FGF7: variants seen among roughly 807,000 people sequenced by gnomAD.
FGF7 encodes the protein fibroblast growth factor 7, also known as FGF-7.
Under a neutral mutation model 20.5 loss-of-function variants are expected in FGF7, and 6 were observed. That is an observed-to-expected ratio of 0.29 (90% CI 0.16 to 0.58). FGF7 has a LOEUF of 0.58. Ranked by LOEUF, FGF7 falls within the 20% of genes least tolerant of loss-of-function variation. The pLI, the probability that FGF7 is intolerant of heterozygous loss-of-function variation, is 0.90. For missense variants in FGF7, 144 were observed against 228.8 expected, an observed-to-expected ratio of 0.63 and a Z score of 2.39; for synonymous variants, 64 against 74.7, an observed-to-expected ratio of 0.86 and a Z score of 0.74.
At chr15:49,439,282 G>C (rs2051400977) in intron 2 of FGF7, among the ~76,000 whole-genome samples, 1 of 151,460 alleles carries the variant, frequency 6.6e-6, no homozygotes, top group Non-Finnish European at 1.5e-5. Context: ...GGGTAGGAGA[G>C]AGAGAGAGAG....
chr15:49,433,164 T>C (rs1454520952), intron 2 of FGF7, among the ~76,000 whole-genome samples: 4 of 151,312 alleles, frequency 2.6e-5, no homozygotes, highest in Non-Finnish European at 4.4e-5. Flanking sequence ...AGAAATCAAT[T>C]ATTTGAGATT....
intron 2 of FGF7, among the ~76,000 whole-genome samples, chr15:49,473,252 A>T (rs2054942469): frequency 7.2e-6 from 1 of 139,458 alleles, no homozygotes; most frequent in Non-Finnish European, 1.7e-5. Context: ...CATTTAATGA[A>T]GTCATGATGA....
intron 2 of FGF7, among the ~76,000 whole-genome samples, chr15:49,433,392 T>C (rs2151798480): frequency 6.6e-6 from 1 of 151,640 alleles, no homozygotes; most frequent in East Asian, 2.0e-4. Context: ...GTGTAAGAGG[T>C]GAAAGGGTAA....
At chr15:49,460,945 T>C (rs1007192869) in intron 2 of FGF7, among the ~76,000 whole-genome samples, 1 of 152,328 alleles carries the variant, frequency 6.6e-6, no homozygotes, top group South Asian at 2.1e-4. Context: ...CAAATTCCAC[T>C]ATGTCAAAGC....
chr15:49,462,729 T>C (rs1341258498), intron 2 of FGF7, among the ~76,000 whole-genome samples: 1 of 152,222 alleles, frequency 6.6e-6, no homozygotes, highest in Non-Finnish European at 1.5e-5. Context: ...CCAATTAAGT[T>C]AAAATACAAC....
chr15:49,447,200 C>A (rs1455104656), intron 2 of FGF7, among the ~76,000 whole-genome samples: 1 of 151,550 alleles, frequency 6.6e-6, no homozygotes, highest in African/African-American at 2.4e-5. Flanking sequence ...TATAATCCAC[C>A]AGGCCCATTG....
chr15:49,451,725 G>A (rs1195715025), intron 2 of FGF7, among the ~76,000 whole-genome samples: 1 of 152,016 alleles, frequency 6.6e-6, no homozygotes, highest in Admixed American at 6.6e-5. Context: ...TAAATTTGAA[G>A]CCTTTATTGG....
At chr15:49,468,186 T>C (rs1031005091) in intron 2 of FGF7, among the ~76,000 whole-genome samples, 5 of 152,184 alleles carry the variant, frequency 3.3e-5, no homozygotes, top group African/African-American at 1.2e-4. Flanking sequence ...TAAATGGTTT[T>C]TGACATCATT....
chr15:49,469,329 G>T (rs1459826827), intron 2 of FGF7, among the ~76,000 whole-genome samples: 1 of 151,718 alleles, frequency 6.6e-6, no homozygotes, highest in Non-Finnish European at 1.5e-5. Context: ...TTTATTCCAG[G>T]GATACTCTTA....
Position 49,424,471 on chromosome 15 carries a change from C to T in FGF7, c.174C>T (p.Tyr58=). 1.2e-6 allele frequency: 2 copies of T among 1,613,474 alleles called. No individual in the cohort carries two copies. Among genetic ancestry groups the T allele is most frequent in the Admixed American group, 1.7e-5 (1 of 59,972 alleles). Residue 58 remains tyrosine, a synonymous_variant, in exon 2 of 4, where the codon TAC becomes TAT. Coordinates refer to ENST00000267843, the MANE Select transcript of FGF7 (RefSeq NM_002009.4). The stretch of plus-strand genomic sequence containing the variant: ...AGCGACACACAAGAAGTTATGATTA[C>T]ATGGAAGGAGGGGATATAAGAGTGA... ...SPERHTRSYD[Y]MEGGDIRVRR... is the part of the protein sequence containing the mutation.
Position 49,488,580 on chromosome 15 carries a change from T to A in FGF7, c.*4076T>A, listed in dbSNP as rs998244260. ...CTTTTACTTCCTGGTTATCATGTGGTTGCATTTTCCAAGTTCTTATCATTG... is the reference window on the plus strand; with the variant it reads ...CTTTTACTTCCTGGTTATCATGTGGATGCATTTTCCAAGTTCTTATCATTG... On this transcript the variant is annotated 3_prime_UTR_variant, in exon 4 of 4. Transcript: ENST00000267843. The A allele has an allele frequency of 3.3e-5, 5 of 152,096 alleles. No individual in the cohort carries two copies. In the South Asian group the frequency reaches 1.0e-3, roughly 32 times the overall value. 9.4% of individuals were successfully genotyped at this position (152,096 alleles called of 1,614,324 possible).
At chr15:49,443,448 C>T (rs940991068) in intron 2 of FGF7, among the ~76,000 whole-genome samples, 1 of 151,464 alleles carries the variant, frequency 6.6e-6, no homozygotes, top group Non-Finnish European at 1.5e-5. Flanking sequence ...TTGGCCAATG[C>T]TACAAATCAG....
chr15:49,471,855 G>A (rs564652963), intron 2 of FGF7, among the ~76,000 whole-genome samples: 1 of 152,192 alleles, frequency 6.6e-6, no homozygotes, highest in Non-Finnish European at 1.5e-5. Context: ...CAGAAAAGAC[G>A]TATCAAGCTA....
At chr15:49,427,910 T>TA (rs1425270587) in intron 2 of FGF7, among the ~76,000 whole-genome samples, 2 of 152,168 alleles carry the variant, frequency 1.3e-5, no homozygotes, top group Non-Finnish European at 2.9e-5. Flanking sequence ...TAGGGAATTT[T>TA]AAAAAATTAC....
intron 2 of FGF7, among the ~76,000 whole-genome samples, chr15:49,480,877 G>A (rs1011090165): frequency 6.6e-6 from 1 of 152,130 alleles, no homozygotes; most frequent in Non-Finnish European, 1.5e-5. Flanking sequence ...TGAACTTATT[G>A]TCATGACTGG....
rs1016477168 is a variant in FGF7 at position 49,486,668 on chromosome 15, T to C, written c.*2164T>C. On this transcript the variant is annotated 3_prime_UTR_variant, in exon 4 of 4. Transcript: ENST00000267843. ...CAAATGCTCTTTGTCTATGGAGTTA[T>C]ACTTCCATCAAATTACATAGCAATG... 6.6e-6 allele frequency: 1 copy of C among 152,028 alleles called. No individual in the cohort carries two copies. The highest frequency in any genetic ancestry group is 1.5e-5 in the Non-Finnish European group (1 of 67,916). 9.4% of individuals were successfully genotyped at this position (152,028 alleles called of 1,614,324 possible).
At chr15:49,465,302 T>A in intron 2 of FGF7, among the ~76,000 whole-genome samples, 1 of 127,426 alleles carries the variant, frequency 7.8e-6, no homozygotes, top group East Asian at 2.7e-4. Flanking sequence ...GCTTTTCTTT[T>A]TCTTTTTTTT....
intron 2 of FGF7, among the ~76,000 whole-genome samples, chr15:49,429,622 A>G (rs1461028778): frequency 1.3e-5 from 2 of 151,906 alleles, no homozygotes; most frequent in East Asian, 1.9e-4. Context: ...ACATTTTTCT[A>G]TCTCTCAACC....
chr15:49,434,102 T>C (rs767697183), intron 2 of FGF7, among the ~76,000 whole-genome samples: 1 of 151,514 alleles, frequency 6.6e-6, no homozygotes. Context: ...TTAGTGCCAG[T>C]AGCCTGATCT....
Sources: gnomAD v4.1 joint callset for allele counts (sites outside exome capture counted in the v4.1 genomes callset) on GRCh38, gnomAD v4.1.1 for gene constraint, MANE v1.5 for transcripts, NCBI Gene and HGNC (gene_info 2026-07-23, HGNC 2026-07-21) for gene names.